Variants in HMCN1 observed in about 807,000 individuals in gnomAD.
The protein encoded by HMCN1 is hemicentin 1, also known as hemicentin-1.
In HMCN1, 321 loss-of-function variants were observed where a neutral mutation model predicts 625.9. The observed-to-expected ratio is 0.51, with a 90% CI of 0.47 to 0.56. HMCN1 has a LOEUF of 0.56. Ranked by LOEUF, HMCN1 falls within the 20% of genes least tolerant of loss-of-function variation. The pLI, the probability that HMCN1 is intolerant of heterozygous loss-of-function variation, is 0.00. For synonymous variants in HMCN1, 2,425 were observed against 2,417.6 expected (o/e 1.00, Z -0.09); for missense variants, 6,588 against 6,887.3 (o/e 0.96, Z 1.54).
chr1:186,164,520 G>A (rs533011582), intron 97 of HMCN1, among the ~76,000 whole-genome samples: 1 of 152,216 alleles, frequency 6.6e-6, no homozygotes, highest in African/African-American at 2.4e-5. Flanking sequence ...TGGGATTACA[G>A]GCATGAGCCA....
At chr1:185,940,767 A>C (rs533708689) in intron 11 of HMCN1, among the ~76,000 whole-genome samples, 3 of 149,768 alleles carry the variant, frequency 2.0e-5, no homozygotes, top group South Asian at 4.2e-4. Flanking sequence ...TTCTCTGAAC[A>C]CTTTTTTTTT....
At chr1:185,866,862 T>TCA (rs1434771609) in intron 4 of HMCN1, among the ~76,000 whole-genome samples, 8 of 152,154 alleles carry the variant, frequency 5.3e-5, no homozygotes, top group Non-Finnish European at 1.2e-4. Context: ...ATTTTTTGTT[T>TCA]AGTCCTTTTT....
intron 11 of HMCN1, among the ~76,000 whole-genome samples, chr1:185,956,247 G>C (rs1649623871): frequency 1.3e-5 from 2 of 151,936 alleles, no homozygotes; most frequent in African/African-American, 4.8e-5. Context: ...CACCAGCCAG[G>C]TGATCCTCCA....
intron 2 of HMCN1, among the ~76,000 whole-genome samples, chr1:185,852,623 C>T (rs1662234210): frequency 7.3e-6 from 1 of 136,152 alleles, no homozygotes; most frequent in South Asian, 2.4e-4. Flanking sequence ...CACACACACA[C>T]ACTTTAAAGG....
chr1:186,019,990 AATG>A (rs1324866011), intron 35 of HMCN1, among the ~76,000 whole-genome samples: 1 of 152,012 alleles, frequency 6.6e-6, no homozygotes, highest in African/African-American at 2.4e-5. Context: ...CTCACAGATG[AATG>A]ATGTTCATCA....
chr1:185,940,951 G>A (rs1250872530), intron 11 of HMCN1, among the ~76,000 whole-genome samples: 5 of 152,036 alleles, frequency 3.3e-5, no homozygotes, highest in Admixed American at 2.6e-4. Context: ...TAGTAGAGAC[G>A]GGGTTTCTCC....
Position 186,016,885 on chromosome 1 carries a change from A to G in HMCN1, c.5192-78A>G, listed in dbSNP as rs78616005. The G allele has an allele frequency of 3.8e-4, 307 of 811,186 alleles. 1 individual carries two copies. In the East Asian group the frequency reaches 5.9e-3, roughly 16 times the overall value. The allele number at this position is 811,186 out of a possible 1,614,324, so 50.2% of individuals were successfully genotyped here. ...ATACCTATCAATCTTCTGAACTGCT[A>G]TGTATTATTGCTTCATATGATGGTG... On this transcript the variant is annotated intron_variant, in intron 32 of 106. Coordinates refer to ENST00000271588, the MANE Select transcript of HMCN1 (RefSeq NM_031935.3).
chr1:186,075,858 A>G (rs934813283), intron 53 of HMCN1, among the ~76,000 whole-genome samples: 2 of 152,134 alleles, frequency 1.3e-5, no homozygotes, highest in African/African-American at 4.8e-5. Flanking sequence ...ATTTTAGGTT[A>G]AATGTACTTT....
intron 46 of HMCN1, 97 bp from the exon 47 acceptor site, chr1:186,061,754 T>G: frequency 1.4e-6 from 1 of 731,512 alleles, no homozygotes; most frequent in Non-Finnish European, 2.3e-6. Context: ...TAAAGCATAC[T>G]GATTAAATTT....
intron 89 of HMCN1, among the ~76,000 whole-genome samples, chr1:186,138,209 C>T (rs748041711): frequency 2.6e-5 from 4 of 152,120 alleles, no homozygotes; most frequent in Non-Finnish European, 2.9e-5. Context: ...AGGGTCCAAA[C>T]TGGAGTGTAT....
intron 95 of HMCN1, among the ~76,000 whole-genome samples, 178 bp downstream of exon 95, chr1:186,151,921 G>A (rs1423241316): frequency 6.6e-6 from 1 of 152,094 alleles, no homozygotes; most frequent in African/African-American, 2.4e-5. Context: ...GATCATAAGA[G>A]GTCATGTGTT....
At chr1:186,116,915 A>G in intron 75 of HMCN1, 79 bp from the exon 76 acceptor site, 1 of 1,488,376 alleles carries the variant, frequency 6.7e-7, no homozygotes, top group Non-Finnish European at 9.3e-7. Flanking sequence ...AATTTACAAC[A>G]TGGTACCATG....
intron 10 of HMCN1, 92 bp from the exon 11 acceptor site, chr1:185,933,457 T>C (rs1385178872): frequency 7.3e-6 from 9 of 1,231,566 alleles, no homozygotes; most frequent in Admixed American, 1.8e-5. Flanking sequence ...TACTGGATGT[T>C]CAGTACATAC....
intron 4 of HMCN1, among the ~76,000 whole-genome samples, chr1:185,894,944 T>C (rs923707208): frequency 6.6e-6 from 1 of 152,242 alleles, no homozygotes; most frequent in Non-Finnish European, 1.5e-5. Flanking sequence ...CAATTACTTT[T>C]AGCTTTGTGG....
Position 185,977,852 on chromosome 1 carries a change from C to A in HMCN1, c.2437C>A (p.Pro813Thr). 6.2e-7 allele frequency: 1 copy of A among 1,613,132 alleles called. No homozygotes were observed. Among genetic ancestry groups the A allele is most frequent in the African/African-American group, 1.3e-5 (1 of 74,978 alleles). The stretch of plus-strand genomic sequence containing the variant: ...GGAAATTGGCTCAAATGTGACATTA[C>A]CTTGTTATGTTCAGGGTTATCCAGA... Reference protein sequence around the residue: ...SMEIGSNVTLPCYVQGYPEPT... With the variant: ...SMEIGSNVTLTCYVQGYPEPT... The change falls in exon 16 of 107, where the codon CCT (proline) becomes ACT (threonine). Residue 813 changes from proline to threonine, a missense_variant. Physicochemically the swap from Pro to Thr is conservative, Grantham distance 38. This residue lies in a region of HMCN1 where 4,628 missense variants were observed against 4,853.1 expected (regional missense o/e 0.95). Transcript: ENST00000271588.
chr1:185,974,038 T>A (rs1476887001), intron 15 of HMCN1, among the ~76,000 whole-genome samples: 1 of 152,186 alleles, frequency 6.6e-6, no homozygotes, highest in Non-Finnish European at 1.5e-5. Flanking sequence ...AGCAAGATGG[T>A]CAATCTGTTT....
chr1:185,919,990 T>C (rs1430151747), intron 6 of HMCN1, among the ~76,000 whole-genome samples: 1 of 152,220 alleles, frequency 6.6e-6, no homozygotes, highest in Non-Finnish European at 1.5e-5. Flanking sequence ...TCTATTACAC[T>C]AATATTTTTT....
chr1:185,817,710 C>G (rs1177656562), intron 1 of HMCN1, among the ~76,000 whole-genome samples: 1 of 152,086 alleles, frequency 6.6e-6, no homozygotes, highest in Non-Finnish European at 1.5e-5. Flanking sequence ...TGAAATATCT[C>G]CAATATATTT....
At chr1:185,746,515 C>T (rs573979821) in intron 1 of HMCN1, among the ~76,000 whole-genome samples, 11 of 152,076 alleles carry the variant, frequency 7.2e-5, no homozygotes, top group African/African-American at 2.4e-4. Context: ...CAATCTTTGA[C>T]GTTCCTTGGC....
Sources: allele counts gnomAD v4.1 joint callset (sites outside exome capture counted in the v4.1 genomes callset), GRCh38; gene constraint gnomAD v4.1.1; regional missense constraint gnomAD v4.1.1; transcripts MANE v1.5; gene names NCBI Gene and HGNC (gene_info 2026-07-23, HGNC 2026-07-21).